The following CAMK2D variants were observed in gnomAD, a reference collection of about 807,000 sequenced individuals.
The protein encoded by CAMK2D is calcium/calmodulin dependent protein kinase II delta.
CAMK2D carries 37 observed loss-of-function variants against 84.0 expected under a neutral mutation model. The ratio of observed to expected loss-of-function variants is 0.44; its 90% CI spans 0.34 to 0.58. The LOEUF (loss-of-function observed/expected upper bound fraction) is 0.58. Ranked by LOEUF, CAMK2D falls within the 20% of genes least tolerant of loss-of-function variation. The pLI is 0.02. For missense variants in CAMK2D, 448 were observed against 652.5 expected (o/e 0.69, Z 3.41); for synonymous variants, 202 against 212.5 (o/e 0.95, Z 0.43).
At chr4:113,561,395 G>A (rs1292461650) in intron 4 of CAMK2D, among the ~76,000 whole-genome samples, 3 of 152,112 alleles carry the variant, frequency 2.0e-5, no homozygotes, top group Admixed American at 6.5e-5. Context: ...GATTGCTAGA[G>A]CCCAGAGGGT....
intron 2 of CAMK2D, among the ~76,000 whole-genome samples, chr4:113,734,076 TA>T (rs1227316019): frequency 6.6e-6 from 1 of 152,056 alleles, no homozygotes; most frequent in Non-Finnish European, 1.5e-5. Context: ...ACATTTTGTT[TA>T]AAATTCTCTT....
chr4:113,591,554 A>T (rs147495437), intron 4 of CAMK2D, among the ~76,000 whole-genome samples: 1 of 152,324 alleles, frequency 6.6e-6, no homozygotes, highest in East Asian at 1.9e-4. Flanking sequence ...CTAAATGTGT[A>T]TCTCATCAGG....
At position 113,666,798 on chromosome 4, in the gene CAMK2D, C is replaced by A. The variant is rs549915323; in HGVS notation, c.161-5026G>T. Among the ~76,000 whole-genome samples the A allele has an allele frequency of 2.0e-5, 3 of 152,270 alleles. No individual in the cohort carries two copies. In the East Asian group the frequency reaches 5.8e-4, roughly 29 times the overall value. ...GAAAAATGGAATGTTTAAAATCCAG[C>A]TCTATCACTAATTTTTACCTTGCTG... is the stretch of plus-strand genomic sequence containing the variant. On this transcript the variant is annotated intron_variant, in intron 2 of 20. Transcript: ENST00000511664.
At chr4:113,583,208 T>C (rs1245284338) in intron 4 of CAMK2D, among the ~76,000 whole-genome samples, 1 of 151,386 alleles carries the variant, frequency 6.6e-6, no homozygotes, top group African/African-American at 2.4e-5. Flanking sequence ...TGAATTCCAA[T>C]GTGCATTATT....
intron 8 of CAMK2D, among the ~76,000 whole-genome samples, chr4:113,530,649 C>T (rs1013599892): frequency 6.6e-6 from 1 of 152,004 alleles, no homozygotes; most frequent in African/African-American, 2.4e-5. Flanking sequence ...TAAAAGAGAC[C>T]CTGGGAGCCC....
intron 16 of CAMK2D, among the ~76,000 whole-genome samples, chr4:113,480,620 C>T (rs1450884476): frequency 6.6e-6 from 1 of 151,968 alleles, no homozygotes; most frequent in Non-Finnish European, 1.5e-5. Flanking sequence ...GTGGGCGGAT[C>T]ACTTGAGGTC....
At chr4:113,606,925 G>C (rs1372719039) in intron 4 of CAMK2D, among the ~76,000 whole-genome samples, 1 of 151,968 alleles carries the variant, frequency 6.6e-6, no homozygotes, top group African/African-American at 2.4e-5. Flanking sequence ...CTTATCTTTA[G>C]GGGAAAAACA....
At chr4:113,709,745 C>CTATA (rs1554070590) in intron 2 of CAMK2D, among the ~76,000 whole-genome samples, 41 of 24,636 alleles carry the variant, frequency 1.7e-3, no homozygotes, top group African/African-American at 9.9e-3. Flanking sequence ...AAGCCGTGAA[C>CTATA]GATATATATA....
chr4:113,686,298 G>A (rs1294592889), intron 2 of CAMK2D, among the ~76,000 whole-genome samples: 1 of 152,138 alleles, frequency 6.6e-6, no homozygotes, highest in Admixed American at 6.5e-5. Flanking sequence ...TATGGTTGTA[G>A]TAGTGTCAGT....
At chr4:113,464,334 G>T in intron 17 of CAMK2D, among the ~76,000 whole-genome samples, 1 of 151,866 alleles carries the variant, frequency 6.6e-6, no homozygotes, top group Non-Finnish European at 1.5e-5. Context: ...TCATATTCAC[G>T]CAATATAAAA....
At chr4:113,687,408 C>T (rs757128871) in intron 2 of CAMK2D, among the ~76,000 whole-genome samples, 27 of 152,160 alleles carry the variant, frequency 1.8e-4, no homozygotes, top group Middle Eastern at 3.2e-3. Context: ...TAAGGGCAAG[C>T]GAGGTCATCA....
At chr4:113,514,152 C>T (rs560765679) in intron 10 of CAMK2D, among the ~76,000 whole-genome samples, 155 of 152,328 alleles carry the variant, frequency 1.0e-3, no homozygotes, top group African/African-American at 3.4e-3. Flanking sequence ...CGGTGGGTCA[C>T]GCCTGTAATT....
chr4:113,681,558 A>G (rs554892378), intron 2 of CAMK2D, among the ~76,000 whole-genome samples: 2 of 152,296 alleles, frequency 1.3e-5, no homozygotes, highest in African/African-American at 4.8e-5. Context: ...ATGGACTAAT[A>G]TACTGTATAT....
chr4:113,516,759 G>T (rs1286422823), intron 9 of CAMK2D, among the ~76,000 whole-genome samples: 8 of 152,054 alleles, frequency 5.3e-5, no homozygotes, highest in Non-Finnish European at 8.8e-5. Context: ...ACCCAATATT[G>T]CTACTCTGTA....
chr4:113,662,525 G>A (rs1718997348), intron 2 of CAMK2D, among the ~76,000 whole-genome samples: 1 of 152,154 alleles, frequency 6.6e-6, no homozygotes, highest in African/African-American at 2.4e-5. Context: ...AACACATGTT[G>A]CTGATAAGGG....
At chr4:113,650,207 A>T (rs2099167360) in intron 3 of CAMK2D, among the ~76,000 whole-genome samples, 1 of 151,928 alleles carries the variant, frequency 6.6e-6, no homozygotes, top group South Asian at 2.1e-4. Flanking sequence ...TGGACATAAA[A>T]CTAATCTAAT....
At chr4:113,590,712 A>G (rs1432124913) in intron 4 of CAMK2D, among the ~76,000 whole-genome samples, 1 of 150,884 alleles carries the variant, frequency 6.6e-6, no homozygotes, top group African/African-American at 2.4e-5. Context: ...TTTATGAAAA[A>G]TCTAATTAAT....
chr4:113,483,805 A>G (rs2097732375), intron 16 of CAMK2D, among the ~76,000 whole-genome samples: 1 of 152,216 alleles, frequency 6.6e-6, no homozygotes, highest in Non-Finnish European at 1.5e-5. Context: ...TAAAAAAATG[A>G]GAAAACAGTA....
intron 17 of CAMK2D, among the ~76,000 whole-genome samples, chr4:113,461,163 A>T (rs1285402191): frequency 6.6e-6 from 1 of 152,224 alleles, no homozygotes; most frequent in Non-Finnish European, 1.5e-5. Context: ...AGAAGGTTCA[A>T]ATGCTCATAT....
Sources: gnomAD v4.1 joint callset for allele counts (sites outside exome capture counted in the v4.1 genomes callset) on GRCh38, gnomAD v4.1.1 for gene constraint, MANE v1.5 for transcripts, NCBI Gene and HGNC (gene_info 2026-07-23, HGNC 2026-07-21) for gene names.